The following TCP11L1 variants were observed in gnomAD, a reference collection of about 807,000 sequenced individuals.
TCP11L1 encodes the protein t-complex 11 like 1, also known as T-complex protein 11-like protein 1.
Under a neutral mutation model 48.9 loss-of-function variants are expected in TCP11L1, and 28 were observed. That is an observed-to-expected ratio of 0.57 (90% CI 0.42 to 0.78). The LOEUF is 0.78. Ranked by LOEUF, TCP11L1 falls within the 30% of genes least tolerant of loss-of-function variation. TCP11L1 has a pLI of 0.00. For synonymous variants in TCP11L1, 204 were observed against 231.9 expected (o/e 0.88, Z 1.09); for missense variants, 505 against 613.4 (o/e 0.82, Z 1.87).
At chr11:33,056,928 T>A (rs943483068) in intron 3 of TCP11L1, among the ~76,000 whole-genome samples, 187 bp from the exon 4 acceptor site, 2 of 152,204 alleles carry the variant, frequency 1.3e-5, no homozygotes, top group Non-Finnish European at 2.9e-5. Flanking sequence ...AGATGCTTAT[T>A]GCAAAAAATC....
intron 9 of TCP11L1, 146 bp downstream of exon 9, chr11:33,069,005 GC>G: frequency 9.7e-7 from 1 of 1,036,218 alleles, no homozygotes; most frequent in Non-Finnish European, 1.4e-6. Flanking sequence ...AGAGACCAGG[GC>G]CACCCAACAG....
Position 33,067,343 on chromosome 11 carries a change from A to T in TCP11L1, c.1154+1332A>T, listed in dbSNP as rs558066946. ...CTTCTTCAAGGGAAGTACCCCCTAA[A>T]CATTCTCATCCTTACAAAATGGAGG... On this transcript the variant is annotated intron_variant, in intron 8 of 9. Transcript: ENST00000334274. Among the ~76,000 whole-genome samples, 32 of 152,328 alleles carry T rather than the reference A, an allele frequency of 2.1e-4. No homozygotes were observed. In the South Asian group the frequency reaches 6.4e-3, roughly 31 times the overall value.
chr11:33,071,550 A>C (rs1854790519), intron 9 of TCP11L1, among the ~76,000 whole-genome samples: 1 of 152,248 alleles, frequency 6.6e-6, no homozygotes, highest in African/African-American at 2.4e-5. Context: ...AGAGTACAAA[A>C]GCATTGTGAA....
At chr11:33,070,421 C>G (rs1854747730) in intron 9 of TCP11L1, among the ~76,000 whole-genome samples, 1 of 152,210 alleles carries the variant, frequency 6.6e-6, no homozygotes, top group Admixed American at 6.5e-5. Flanking sequence ...CACAGTGGCT[C>G]ATGCCTATAA....
chr11:33,040,666 T>A (rs1853804150), intron 1 of TCP11L1: 1 of 152,240 alleles, frequency 6.6e-6, no homozygotes, highest in South Asian at 2.1e-4. Context: ...ACTTTTACCA[T>A]CTGGCCCCAA....
chr11:33,050,510 C>T (rs1044866794), intron 2 of TCP11L1, among the ~76,000 whole-genome samples: 9 of 152,096 alleles, frequency 5.9e-5, no homozygotes, highest in Non-Finnish European at 8.8e-5. Context: ...TATATTTATA[C>T]ATATGTATAT....
chr11:33,044,807 C>G (rs1422308461), intron 2 of TCP11L1, among the ~76,000 whole-genome samples: 1 of 152,090 alleles, frequency 6.6e-6, no homozygotes, highest in Non-Finnish European at 1.5e-5. Context: ...CAAATTGTGT[C>G]CAAGGAAACA....
chr11:33,073,012 T>C lies in TCP11L1; in HGVS notation c.*336T>C, dbSNP rs1854841601. ...CTCTCTTCTGCAATCTGGGTAGTTC[T>C]TTCAGATGCCTCATGCTGAGCTGAC... is the stretch of plus-strand genomic sequence containing the variant. On this transcript the variant is annotated 3_prime_UTR_variant, in exon 10 of 10. Transcript: ENST00000334274. 1 of 322,062 alleles carries C rather than the reference T, an allele frequency of 3.1e-6. No homozygotes were observed. Among genetic ancestry groups the C allele is most frequent in the South Asian group, 3.0e-5 (1 of 33,440 alleles). The allele number at this position is 322,062 out of a possible 1,614,324, so 20.0% of individuals were successfully genotyped here. A position where few individuals can be genotyped will look rare whatever the true frequency, so the allele number is the denominator to read the frequency against.
rs147286761 is a variant in TCP11L1 at position 33,066,482 on chromosome 11, G to A, written c.1154+471G>A. ...CGGGCTGGGGGGTAAGCCATGAGCA[G>A]GGTGGGGAGCGCTGGTACCAATGGT... is the stretch of plus-strand genomic sequence containing the variant. On this transcript the variant is annotated intron_variant, in intron 8 of 9. Coordinates refer to ENST00000334274, the MANE Select transcript of TCP11L1 (RefSeq NM_018393.4). Among the ~76,000 whole-genome samples, 94 of 152,266 alleles carry A rather than the reference G, an allele frequency of 6.2e-4. 1 individual carries two copies. In the East Asian group the frequency reaches 0.016, roughly 26 times the overall value.
intron 1 of TCP11L1, among the ~76,000 whole-genome samples, chr11:33,042,121 G>T (rs1853851615): frequency 6.6e-6 from 1 of 151,794 alleles, no homozygotes. Flanking sequence ...ATTAAAACAG[G>T]GTTTTTTTGT....
Position 33,065,950 on chromosome 11 carries a change from G to C in TCP11L1, c.1093G>C (p.Ala365Pro). Reference protein sequence around the residue: ...SMAAPGISSQADFAEKLKMIV... With the variant: ...SMAAPGISSQPDFAEKLKMIV... ...GGCAGCGCCAGGAATTTCCAGCCAG[G>C]CCGACTTTGCTGAGAAACTCAAGAT... Residue 365 changes from alanine (A) to proline (P), a missense_variant, in exon 8 of 10, where the codon GCC becomes CCC. Physicochemically the swap from Ala to Pro is conservative, Grantham distance 27. This residue lies in a region of TCP11L1 where 335 missense variants were observed against 413.3 expected (regional missense o/e 0.81). Coordinates refer to ENST00000334274, the MANE Select transcript of TCP11L1 (RefSeq NM_018393.4). 6.2e-7 allele frequency: 1 copy of C among 1,614,212 alleles called. No homozygotes were observed. The highest frequency in any genetic ancestry group is 8.5e-7 in the Non-Finnish European group (1 of 1,180,022).
rs145550627 is a variant in TCP11L1 at position 33,062,201 on chromosome 11, G to C, written c.972+475G>C. 2.0e-4 allele frequency among the ~76,000 whole-genome samples: 30 copies of C among 152,296 alleles called. 1 individual carries two copies. In the East Asian group the frequency reaches 5.2e-3, roughly 26 times the overall value. ...AAAGTGTACAACTCAGTGTTTTCTA[G>C]TATAGTCACAGAGTTACGCATCCAT... On this transcript the variant is annotated intron_variant, in intron 7 of 9. Transcript: ENST00000334274.
At chr11:33,053,464 T>TC (rs11378148) in intron 2 of TCP11L1, among the ~76,000 whole-genome samples, 62,391 of 151,906 alleles carry the variant, frequency 0.41, 13,047 homozygotes, top group African/African-American at 0.48. Flanking sequence ...GAGTAAGAAT[T>TC]CCCCTTTGTT....
At chr11:33,045,777 G>A (rs2145296) in intron 2 of TCP11L1, among the ~76,000 whole-genome samples, 60,947 of 151,988 alleles carry the variant, frequency 0.4, 12,380 homozygotes, top group East Asian at 0.46. Context: ...GCCAATGCTA[G>A]TATGGAGGCT....
chr11:33,057,326 T>C lies in TCP11L1; in HGVS notation c.417+91T>C, dbSNP rs371433797. On this transcript the variant is annotated intron_variant, in intron 4 of 9. Transcript: ENST00000334274. ...TCACCACCAGAAGACTTTAAAGAAA[T>C]TGAAGGATCAAGAAGTTAAAGTACT... 17 of 1,569,726 alleles carry C rather than the reference T, an allele frequency of 1.1e-5. No homozygotes were observed. In the African/African-American group the frequency reaches 1.5e-4, roughly 14 times the overall value.
chr11:33,049,199 G>A (rs954107161), intron 2 of TCP11L1, among the ~76,000 whole-genome samples: 3 of 148,100 alleles, frequency 2.0e-5, no homozygotes, highest in African/African-American at 7.6e-5. Flanking sequence ...GCAGTGAGCC[G>A]AGATCGCGCC....
Position 33,072,530 on chromosome 11 carries a change from T to C in TCP11L1, c.1384T>C (p.Leu462=), listed in dbSNP as rs1296731166. 4.3e-6 allele frequency: 7 copies of C among 1,614,174 alleles called. No individual in the cohort carries two copies. The highest frequency in any genetic ancestry group is 5.1e-6 in the Non-Finnish European group (6 of 1,180,034). Residue 462 remains leucine (L), a synonymous_variant, in exon 10 of 10, where the codon TTG becomes CTG. Transcript: ENST00000334274. ...CCTTGCCTCGGGTCATCAGAAGCCA[T>C]TGCCCACAGTCCCTGGGGGACTCAG... ...TYLASGHQKP[L]PTVPGGLSPV...
At chr11:33,050,797 C>T (rs1343323180) in intron 2 of TCP11L1, among the ~76,000 whole-genome samples, 3 of 150,752 alleles carry the variant, frequency 2.0e-5, no homozygotes, top group South Asian at 2.1e-4. Context: ...AATCCAAGAT[C>T]GCAAAGATTT....
At chr11:33,052,430 T>C (rs1854187061) in intron 2 of TCP11L1, among the ~76,000 whole-genome samples, 1 of 152,162 alleles carries the variant, frequency 6.6e-6, no homozygotes, top group Non-Finnish European at 1.5e-5. Flanking sequence ...AATAAAGTTT[T>C]TTACCAGGCA....
Sources: allele counts gnomAD v4.1 joint callset (sites outside exome capture counted in the v4.1 genomes callset), GRCh38; gene constraint gnomAD v4.1.1; regional missense constraint gnomAD v4.1.1; transcripts MANE v1.5; gene names NCBI Gene and HGNC (gene_info 2026-07-23, HGNC 2026-07-21).